Variants in TNIK observed in about 807,000 individuals in gnomAD.
TNIK encodes the protein TRAF2 and NCK-interacting protein kinase.
A neutral mutation model predicts 191.3 loss-of-function variants in TNIK; 49 were observed. That is an observed-to-expected ratio of 0.26 (90% CI 0.20 to 0.32). The LOEUF is 0.32. TNIK is among the 10% of genes least tolerant of loss of function. The pLI is 1.00. For missense variants in TNIK, 1,155 were observed against 1,702.3 expected (o/e 0.68, Z 5.66); for synonymous variants, 594 against 600.9 (o/e 0.99, Z 0.17).
chr3:171,350,581 TA>T (rs1466787955), intron 2 of TNIK, among the ~76,000 whole-genome samples: 1 of 117,686 alleles, frequency 8.5e-6, no homozygotes. Context: ...ATAACAAGTT[TA>T]AAGCTCTGTT....
chr3:171,219,705 C>A (rs762152807), intron 3 of TNIK, among the ~76,000 whole-genome samples: 5 of 152,072 alleles, frequency 3.3e-5, no homozygotes, highest in Non-Finnish European at 5.9e-5. Context: ...CCATCTCATG[C>A]CAGTTAGCAT....
intron 2 of TNIK, among the ~76,000 whole-genome samples, chr3:171,236,550 A>G (rs1056857929): frequency 1.3e-5 from 2 of 152,152 alleles, no homozygotes; most frequent in Admixed American, 6.5e-5. Flanking sequence ...ATCAAGAGAA[A>G]AGCAAGGTCC....
intron 2 of TNIK, among the ~76,000 whole-genome samples, chr3:171,358,367 C>T (rs1714464766): frequency 6.6e-6 from 1 of 152,174 alleles, no homozygotes; most frequent in South Asian, 2.1e-4. Flanking sequence ...AGCGAAGTCA[C>T]ATCTTACATG....
At chr3:171,389,538 C>T (rs918070632) in intron 1 of TNIK, among the ~76,000 whole-genome samples, 7 of 152,140 alleles carry the variant, frequency 4.6e-5, no homozygotes, top group African/African-American at 1.4e-4. Flanking sequence ...AACTTTAGAG[C>T]ACCTGGGAGG....
At chr3:171,422,431 A>T (rs1158324132) in intron 1 of TNIK, among the ~76,000 whole-genome samples, 1 of 152,180 alleles carries the variant, frequency 6.6e-6, no homozygotes, top group Non-Finnish European at 1.5e-5. Flanking sequence ...GTCCAACTGT[A>T]AACATAAAGA....
At chr3:171,139,376 G>GCACACACACA (rs1271020696) in intron 14 of TNIK, 94 bp downstream of exon 14, 86 of 532,064 alleles carry the variant, frequency 1.6e-4, no homozygotes, top group Admixed American at 4.1e-4. Context: ...ACACGCACGC[G>GCACACACACA]CGCACACACA....
chr3:171,305,339 G>A (rs942574415), intron 2 of TNIK, among the ~76,000 whole-genome samples: 7 of 152,044 alleles, frequency 4.6e-5, no homozygotes, highest in Admixed American at 6.6e-5. Flanking sequence ...AAAAGCAATT[G>A]CAACAAAAGC....
chr3:171,135,600 A>G (rs1729881055), intron 15 of TNIK, among the ~76,000 whole-genome samples: 1 of 152,214 alleles, frequency 6.6e-6, no homozygotes, highest in African/African-American at 2.4e-5. Context: ...AGGACTAAAT[A>G]TGAAATCCCC....
intron 5 of TNIK, among the ~76,000 whole-genome samples, chr3:171,193,698 A>G (rs1412940135): frequency 1.3e-5 from 2 of 152,232 alleles, no homozygotes; most frequent in Non-Finnish European, 2.9e-5. Flanking sequence ...AACACACAGT[A>G]AAAAAGTTTT....
At chr3:171,177,805 A>G (rs536994887) in intron 7 of TNIK, among the ~76,000 whole-genome samples, 16 of 152,324 alleles carry the variant, frequency 1.1e-4, no homozygotes, top group Non-Finnish European at 2.2e-4. Flanking sequence ...AACAGTAAAC[A>G]TACCCATCAT....
Position 171,082,329 on chromosome 3 carries a change from C to T in TNIK, c.3235G>A (p.Val1079Ile), listed in dbSNP as rs1323515428. The change falls in exon 27 of 33, where the codon GTC becomes ATC. Residue 1079 changes from valine to isoleucine, a missense_variant. Coordinates refer to ENST00000436636, the MANE Select transcript of TNIK (RefSeq NM_015028.4). ...CGCCTCCGGTTGATCAGATTATAGA[C>T]TTTGCCTTGCCCACTTCGGTCCAAA... Reference protein sequence around the residue: ...MLLDRSGQGKVYNLINRRRFQ... With the variant: ...MLLDRSGQGKIYNLINRRRFQ... The T allele has an allele frequency of 6.2e-7, 1 of 1,613,900 alleles. No individual in the cohort carries two copies. The highest frequency in any genetic ancestry group is 2.2e-5 in the East Asian group (1 of 44,880).
intron 9 of TNIK, among the ~76,000 whole-genome samples, chr3:171,173,684 G>A (rs1735618035): frequency 1.3e-5 from 2 of 152,120 alleles, no homozygotes; most frequent in African/African-American, 2.4e-5. Flanking sequence ...AAATACATTT[G>A]TGGAGGGCCA....
chr3:171,206,203 C>T (rs1740050863), intron 4 of TNIK, among the ~76,000 whole-genome samples: 1 of 151,716 alleles, frequency 6.6e-6, no homozygotes. Context: ...TGGAAGAGTG[C>T]CTTGTGCCTA....
chr3:171,257,594 G>A (rs529761858), intron 2 of TNIK, among the ~76,000 whole-genome samples: 6 of 152,286 alleles, frequency 3.9e-5, no homozygotes, highest in South Asian at 4.1e-4. Context: ...ACATTCTAAC[G>A]TCAATAAAAG....
At chr3:171,241,008 G>C (rs1375284125) in intron 2 of TNIK, among the ~76,000 whole-genome samples, 1 of 151,248 alleles carries the variant, frequency 6.6e-6, no homozygotes, top group African/African-American at 2.4e-5. Context: ...ACTTTTCCAA[G>C]TCCTTCTGTT....
intron 2 of TNIK, among the ~76,000 whole-genome samples, chr3:171,361,695 G>A (rs933405098): frequency 1.3e-5 from 2 of 151,960 alleles, no homozygotes; most frequent in African/African-American, 4.8e-5. Flanking sequence ...TAACAACATA[G>A]GAATAAACTT....
intron 2 of TNIK, among the ~76,000 whole-genome samples, chr3:171,281,741 G>T (rs531223896): frequency 6.6e-6 from 1 of 152,126 alleles, no homozygotes; most frequent in Admixed American, 6.5e-5. Context: ...AACCCTGAAG[G>T]TCAACGAGGA....
intron 2 of TNIK, among the ~76,000 whole-genome samples, chr3:171,330,206 A>G (rs1018937844): frequency 4.6e-5 from 7 of 152,236 alleles, no homozygotes; most frequent in Non-Finnish European, 8.8e-5. Context: ...AAATGCGCTT[A>G]TTAGATACTG....
intron 2 of TNIK, among the ~76,000 whole-genome samples, chr3:171,331,901 A>G (rs189104928): frequency 2.0e-5 from 3 of 152,326 alleles, no homozygotes; most frequent in Admixed American, 1.3e-4. Flanking sequence ...CCCATTTTAT[A>G]TTATTTTTAA....
Sources: gnomAD v4.1 joint callset for allele counts (sites outside exome capture counted in the v4.1 genomes callset) on GRCh38, gnomAD v4.1.1 for gene constraint, MANE v1.5 for transcripts, NCBI Gene and HGNC (gene_info 2026-07-23, HGNC 2026-07-21) for gene names.